The following MED13L variants were observed in gnomAD, a reference collection of about 807,000 sequenced individuals.
MED13L encodes mediator of RNA polymerase II transcription subunit 13-like.
In MED13L, 7 loss-of-function variants were observed where a neutral mutation model predicts 220.9. The observed-to-expected ratio is 0.03, with a 90% CI of 0.02 to 0.06. The LOEUF (loss-of-function observed/expected upper bound fraction) is 0.06, where lower values mean the gene tolerates loss of function less well. Among genes scored for constraint, MED13L ranks in the 10% least tolerant of loss-of-function variants. MED13L has a pLI of 1.00. For synonymous variants in MED13L, 1,011 were observed against 1,015.2 expected (o/e 1.00, Z 0.08); for missense variants, 1,965 against 2,760.5 (o/e 0.71, Z 6.46).
chr12:116,023,875 A>G (rs1344963258), intron 4 of MED13L, among the ~76,000 whole-genome samples: 1 of 152,238 alleles, frequency 6.6e-6, no homozygotes, highest in East Asian at 1.9e-4. Flanking sequence ...GAACATCTAT[A>G]GGTATAAAAT....
intron 2 of MED13L, among the ~76,000 whole-genome samples, chr12:116,194,242 C>T (rs747372547): frequency 2.6e-5 from 4 of 152,008 alleles, no homozygotes; most frequent in Admixed American, 6.6e-5. Context: ...CTCGGCTCGT[C>T]GCAACCTCCA....
At chr12:115,996,802 T>C (rs573103986) in intron 15 of MED13L, 121 bp from the exon 16 acceptor site, 26 of 1,079,562 alleles carry the variant, frequency 2.4e-5, no homozygotes, top group African/African-American at 9.4e-5. Flanking sequence ...TTCTCTCCTA[T>C]GATCATTAGA....
intron 20 of MED13L, among the ~76,000 whole-genome samples, chr12:115,983,810 T>C (rs1008872541): frequency 1.3e-5 from 2 of 152,186 alleles, no homozygotes; most frequent in Non-Finnish European, 2.9e-5. Flanking sequence ...TGATTCCATG[T>C]GCCTGCCCTA....
At chr12:115,971,656 C>T (rs1229289543) in intron 26 of MED13L, among the ~76,000 whole-genome samples, 2 of 152,138 alleles carry the variant, frequency 1.3e-5, no homozygotes, top group Admixed American at 6.6e-5. Flanking sequence ...CATCTTCAAC[C>T]GTATCAGAGA....
chr12:116,237,351 A>G (rs2138458129), intron 2 of MED13L, 117 bp downstream of exon 2: 1 of 837,782 alleles, frequency 1.2e-6, no homozygotes, highest in Non-Finnish European at 2.0e-6. Flanking sequence ...TGAGAGAGAC[A>G]TCCATGAAAC....
At chr12:116,013,368 C>T (rs1367011374) in intron 8 of MED13L, among the ~76,000 whole-genome samples, 1 of 152,168 alleles carries the variant, frequency 6.6e-6, no homozygotes, top group East Asian at 1.9e-4. Context: ...GAGATAGACA[C>T]CCTTGCTTAC....
intron 4 of MED13L, among the ~76,000 whole-genome samples, chr12:116,047,463 A>G (rs985082197): frequency 2.6e-5 from 4 of 152,250 alleles, no homozygotes. Context: ...CATTTAATTT[A>G]TAAGTGGGTT....
intron 2 of MED13L, among the ~76,000 whole-genome samples, chr12:116,127,360 C>T (rs1433312803): frequency 6.6e-6 from 1 of 152,134 alleles, no homozygotes; most frequent in Non-Finnish European, 1.5e-5. Flanking sequence ...AAAAGTTCAA[C>T]TGTATATACA....
At chr12:116,100,533 G>C (rs1872983619) in intron 3 of MED13L, among the ~76,000 whole-genome samples, 1 of 145,484 alleles carries the variant, frequency 6.9e-6, no homozygotes, top group Admixed American at 7.2e-5. Context: ...CCAGGAGGTA[G>C]AGACAGCAGT....
chr12:116,258,361 A>G (rs1340493794), intron 1 of MED13L, among the ~76,000 whole-genome samples: 1 of 152,246 alleles, frequency 6.6e-6, no homozygotes, highest in African/African-American at 2.4e-5. Context: ...CTGGTAGTTA[A>G]GCAGTGCACG....
chr12:116,229,789 C>T lies in MED13L; in HGVS notation c.310+7679G>A, dbSNP rs183144389. ...TTTTCCTTTCAAGTATATAATTACA[C>T]ATTAAGTCTAATATTTAGTAAGTAT... On this transcript the variant is annotated intron_variant, in intron 2 of 30. Coordinates refer to ENST00000281928, the MANE Select transcript of MED13L (RefSeq NM_015335.5). Among the ~76,000 whole-genome samples the T allele has an allele frequency of 3.2e-3, 486 of 152,274 alleles. 5 individuals are homozygous for T. The highest frequency in any genetic ancestry group is 5.3e-3 in the Non-Finnish European group (363 of 68,016).
chr12:116,156,403 A>T (rs917377614), intron 2 of MED13L, among the ~76,000 whole-genome samples: 2 of 16,616 alleles, frequency 1.2e-4, no homozygotes, highest in Non-Finnish European at 1.8e-4. Flanking sequence ...CCAATTACTT[A>T]AAAAAAAAAA....
chr12:115,979,930 C>T (rs902990275), intron 23 of MED13L, among the ~76,000 whole-genome samples: 2 of 152,178 alleles, frequency 1.3e-5, no homozygotes, highest in Non-Finnish European at 2.9e-5. Flanking sequence ...CCACACATAT[C>T]TGTAGGAAGT....
intron 4 of MED13L, among the ~76,000 whole-genome samples, chr12:116,032,614 A>T (rs1258320067): frequency 2.6e-5 from 4 of 152,138 alleles, no homozygotes; most frequent in African/African-American, 9.7e-5. Flanking sequence ...TCAGATACCG[A>T]CATGGCTCCT....
chr12:116,246,206 C>CAAAAAAAAAAAAA, intron 1 of MED13L, among the ~76,000 whole-genome samples: 1 of 100,270 alleles, frequency 1.0e-5, no homozygotes, highest in Non-Finnish European at 2.1e-5. Flanking sequence ...TTTAGACATG[C>CAAAAAAAAAAAAA]AAAAAAAAAA....
At chr12:116,184,860 C>G (rs1473729632) in intron 2 of MED13L, among the ~76,000 whole-genome samples, 1 of 152,150 alleles carries the variant, frequency 6.6e-6, no homozygotes, top group Non-Finnish European at 1.5e-5. Flanking sequence ...TTGACAATCA[C>G]TACCAAATAT....
intron 4 of MED13L, among the ~76,000 whole-genome samples, chr12:116,045,863 A>G (rs1338847542): frequency 1.3e-5 from 2 of 151,854 alleles, no homozygotes; most frequent in East Asian, 1.9e-4. Context: ...CAATAACAAG[A>G]CATATTTTAG....
chr12:115,972,529 T>TA lies in MED13L; in HGVS notation c.5732-294dup, dbSNP rs1420812174. 6.3e-5 allele frequency: 25 copies of TA among 395,736 alleles called. No homozygotes were observed. The East Asian group carries it at 9.9e-4, about 16-fold the overall frequency. The allele number at this position is 395,736 out of a possible 1,614,324, so 24.5% of individuals were successfully genotyped here. On this transcript the variant is annotated intron_variant, in intron 25 of 30. Coordinates refer to ENST00000281928, the MANE Select transcript of MED13L (RefSeq NM_015335.5). Reference sequence around the variant, plus strand: ...TCTACCTAGACCAGATTTAGGCACTTAGAGTGCTTTTCCATGATGACAGCA... The same window carrying TA: ...TCTACCTAGACCAGATTTAGGCACTTAAGAGTGCTTTTCCATGATGACAGCA...
chr12:116,068,233 T>C (rs551695876), intron 4 of MED13L, among the ~76,000 whole-genome samples: 100 of 152,264 alleles, frequency 6.6e-4, no homozygotes, highest in South Asian at 5.8e-3. Context: ...ATCTGACAGC[T>C]GATAATACTA....
Sources: allele counts gnomAD v4.1 joint callset (sites outside exome capture counted in the v4.1 genomes callset), GRCh38; gene constraint gnomAD v4.1.1; transcripts MANE v1.5; gene names NCBI Gene and HGNC (gene_info 2026-07-23, HGNC 2026-07-21).